TTLL8: variants seen among roughly 807,000 people sequenced by gnomAD.
TTLL8 encodes tubulin tyrosine ligase like 8, also known as protein monoglycylase TTLL8.
Under a neutral mutation model 77.8 loss-of-function variants are expected in TTLL8, and 65 were observed. The observed-to-expected ratio is 0.84, with a 90% confidence interval of 0.68 to 1.03. TTLL8 has a LOEUF of 1.03. Ranked by LOEUF, TTLL8 falls within the 50% of genes least tolerant of loss-of-function variation. The pLI is 0.00. For missense variants in TTLL8, 910 were observed against 1,004.5 expected (o/e 0.91, Z 1.27); for synonymous variants, 402 against 422.8 (o/e 0.95, Z 0.60).
At chr22:50,027,706 T>C (rs2146632846) in intron 12 of TTLL8, 1 of 985,390 alleles carries the variant, frequency 1.0e-6, no homozygotes, top group African/African-American at 1.7e-5. Context: ...CCGCAGGCCT[T>C]TTGCAGCACA....
chr22:50,057,810 G>A (rs1016838944), upstream of TTLL8, among the ~76,000 whole-genome samples: 1 of 151,604 alleles, frequency 6.6e-6, no homozygotes, highest in Non-Finnish European at 1.5e-5. Flanking sequence ...CTAGGTTAAT[G>A]AGGAGAGGTA....
At chr22:50,021,477 C>A in intron 12 of TTLL8, among the ~76,000 whole-genome samples, 1 of 145,094 alleles carries the variant, frequency 6.9e-6, no homozygotes, top group African/African-American at 2.6e-5. Flanking sequence ...GTGCACTCCT[C>A]CATCTGACAT....
chr22:50,025,226 T>C (rs1015781702), intron 12 of TTLL8, among the ~76,000 whole-genome samples: 1 of 140,016 alleles, frequency 7.1e-6, no homozygotes, highest in Admixed American at 7.8e-5. Flanking sequence ...CACAAATATA[T>C]ACACCTACTG....
At chr22:50,027,827 A>G in intron 12 of TTLL8, 1 of 985,058 alleles carries the variant, frequency 1.0e-6, no homozygotes, top group Non-Finnish European at 1.2e-6. Flanking sequence ...CCCAGCCAGG[A>G]GTCTGGAAGC....
In TTLL8 at chr22:50,034,319, G is replaced by A. The variant is rs762251283; in HGVS notation, c.1039+26C>T. On this transcript the variant is annotated intron_variant, in intron 9 of 13. Transcript: ENST00000266182. This position sits in a 1 kb window ranked among gnomAD's most constrained non-coding sequence, Gnocchi z 4.1. ...ATCAAGTGTGGCCGTTGGTGGCTAT[G>A]AACGCGGTGCAGGGAGCATCCGCAC... 7.4e-7 allele frequency: 1 copy of A among 1,349,038 alleles called. No individual in the cohort carries two copies. The highest frequency in any genetic ancestry group is 9.9e-7 in the Non-Finnish European group (1 of 1,011,548). 83.6% of individuals were successfully genotyped at this position (1,349,038 alleles called of 1,614,324 possible).
Position 50,041,423 on chromosome 22 carries a change from C to T in TTLL8, c.831-146G>A, listed in dbSNP as rs1013534146. The T allele has an allele frequency of 3.3e-5, 34 of 1,045,604 alleles. 3 individuals are homozygous for T. The South Asian group carries it at 4.4e-4, about 14-fold the overall frequency. 64.8% of individuals were successfully genotyped at this position (1,045,604 alleles called of 1,614,324 possible). On this transcript the variant is annotated intron_variant, in intron 7 of 13. Transcript: ENST00000266182. The surrounding 1 kb of genome is among the most constrained non-coding windows in gnomAD (Gnocchi z 4.3). ...CAAGTATCCCAGACATCCAGACAGACACCACAATACTCAACAAGCATCCCA... is the reference window on the plus strand; with the variant it reads ...CAAGTATCCCAGACATCCAGACAGATACCACAATACTCAACAAGCATCCCA...
upstream of TTLL8, among the ~76,000 whole-genome samples, chr22:50,055,793 G>T (rs2061467665): frequency 6.6e-6 from 1 of 152,074 alleles, no homozygotes; most frequent in South Asian, 2.1e-4. Context: ...TGTGGCCGGA[G>T]ATTGGTCCAA....
intron 8 of TTLL8, among the ~76,000 whole-genome samples, chr22:50,036,828 C>T (rs1404046032): frequency 1.3e-5 from 2 of 152,130 alleles, no homozygotes; most frequent in Non-Finnish European, 2.9e-5. Flanking sequence ...AAACTCCTGA[C>T]CTCGGGTGAT....
In TTLL8 at chr22:50,046,345, G is replaced by A. The variant is rs372530127; in HGVS notation, c.394-375C>T. Among the ~76,000 whole-genome samples, 111 of 152,326 alleles carry A rather than the reference G, an allele frequency of 7.3e-4. No individual in the cohort carries two copies. In the South Asian group the frequency reaches 7.7e-3, roughly 11 times the overall value. On this transcript the variant is annotated intron_variant, in intron 4 of 13. Coordinates refer to ENST00000266182, the Ensembl canonical transcript of TTLL8. The stretch of plus-strand genomic sequence containing the variant: ...CTCAGACCCCAGGAGAGGGAGGAGC[G>A]GCTGCAGGGCCCGGAACGCAGCCAC...
chr22:50,043,399 G>A (rs201579999), intron 6 of TTLL8, among the ~76,000 whole-genome samples: 1 of 37,006 alleles, frequency 2.7e-5, no homozygotes, highest in Admixed American at 2.5e-4. Context: ...GTGCCGAGAC[G>A]TCCTTCGGTA....
chr22:50,041,551 A>T lies in TTLL8; in HGVS notation c.830+70T>A. 5.6e-6 allele frequency: 7 copies of T among 1,258,934 alleles called. No homozygotes were observed. The highest frequency in any genetic ancestry group is 7.2e-6 in the Non-Finnish European group (7 of 968,350). 78.0% of individuals were successfully genotyped at this position (1,258,934 alleles called of 1,614,324 possible). On this transcript the variant is annotated intron_variant, in intron 7 of 13. Transcript: ENST00000266182. The surrounding 1 kb of genome is among the most constrained non-coding windows in gnomAD (Gnocchi z 4.3). ...AGGTGACCCAGTTCCCAGAGGCTGCACTGCCCCGGCAGCTCCTGCAATCTG... is the reference window on the plus strand; with the variant it reads ...AGGTGACCCAGTTCCCAGAGGCTGCTCTGCCCCGGCAGCTCCTGCAATCTG...
intron 12 of TTLL8, among the ~76,000 whole-genome samples, chr22:50,021,750 TGTGCACTCCTCCATCTGAC>T (rs2061202160): frequency 8.0e-6 from 1 of 124,386 alleles, no homozygotes; most frequent in Non-Finnish European, 1.7e-5. Context: ...CTCCATCTGA[TGTGCACTCCTCCATCTGAC>T]GTGCACTCCT....
At chr22:50,050,150 T>C in exon 2 of TTLL8, 1 of 1,367,196 alleles carries the variant, frequency 7.3e-7, no homozygotes, top group Non-Finnish European at 9.8e-7. Context: ...CGGAATGACC[T>C]TGGGCAAAAA....
chr22:50,031,954 T>C (rs1234958967), exon 11 of TTLL8: 3 of 1,366,662 alleles, frequency 2.2e-6, no homozygotes, highest in African/African-American at 1.5e-5. Flanking sequence ...CATGGACGGG[T>C]AGATGACGCT....
chr22:50,057,446 G>C (rs373154361), upstream of TTLL8, among the ~76,000 whole-genome samples: 1 of 115,920 alleles, frequency 8.6e-6, no homozygotes. Flanking sequence ...CTGGGTTGGG[G>C]GTCAGGTCTG....
At chr22:50,031,773 C>G (rs574783776) in exon 11 of TTLL8, 2 of 1,366,148 alleles carry the variant, frequency 1.5e-6, no homozygotes, top group Admixed American at 1.9e-5. Flanking sequence ...GTGCACACAG[C>G]TGGGCCGTGA....
At chr22:50,030,241 C>A (rs1055972640) in intron 12 of TTLL8, 189 bp downstream of exon 13, 2 of 985,262 alleles carry the variant, frequency 2.0e-6, no homozygotes, top group Non-Finnish European at 2.4e-6. Flanking sequence ...ACCCCCGTGC[C>A]GGGCTGGGAC....
intron 1 of TTLL8, among the ~76,000 whole-genome samples, chr22:50,053,519 T>C (rs540288540): frequency 6.6e-6 from 1 of 152,266 alleles, no homozygotes; most frequent in Admixed American, 6.5e-5. Flanking sequence ...CCCAGAGGGA[T>C]AGTTGTAGCC....
At chr22:50,030,917 A>G in exon 12 of TTLL8, 1 of 1,319,794 alleles carries the variant, frequency 7.6e-7, no homozygotes, top group Non-Finnish European at 9.9e-7. Context: ...GGGGCGGCTC[A>G]ACCACCGGCT....
Sources: allele counts gnomAD v4.1 joint callset (sites outside exome capture counted in the v4.1 genomes callset), GRCh38; gene constraint gnomAD v4.1.1; non-coding constraint Gnocchi (gnomAD v3.1); transcripts MANE v1.5; gene names NCBI Gene and HGNC (gene_info 2026-07-23, HGNC 2026-07-21).